The following TERT variants were observed in gnomAD, a reference collection of about 807,000 sequenced individuals.
TERT encodes the protein telomerase catalytic subunit.
A neutral mutation model predicts 104.0 loss-of-function variants in TERT; 42 were observed. That is an observed-to-expected ratio of 0.40 (90% CI 0.32 to 0.52). TERT has a LOEUF of 0.52. Among genes scored for constraint, TERT ranks in the 20% least tolerant of loss-of-function variants. TERT has a pLI of 0.43. For synonymous variants in TERT, 781 were observed against 725.6 expected, an observed-to-expected ratio of 1.08 and a Z score of -1.23; for missense variants, 1,101 against 1,610.3, an observed-to-expected ratio of 0.68 and a Z score of 5.41.
intron 2 of TERT, among the ~76,000 whole-genome samples, chr5:1,285,691 T>C (rs1449346407): frequency 1.3e-5 from 2 of 148,190 alleles, no homozygotes; most frequent in African/African-American, 5.0e-5. Flanking sequence ...TGCCTCAGCC[T>C]CCCGAGTAGC....
Position 1,266,398 on chromosome 5 carries a change from C to T in TERT, c.2654+66G>A, listed in dbSNP as rs1421651719. ...ACGCTGCGGTGCCAGGGGCAGGACA[C>T]GGGGGGCTCAACTGCAAAGCCCACA... On this transcript the variant is annotated intron_variant, in intron 10 of 15. Transcript: ENST00000310581. 2.3e-5 allele frequency: 32 copies of T among 1,379,302 alleles called. 1 individual carries two copies. The Middle Eastern group carries it at 5.5e-4, about 24-fold the overall frequency. 85.4% of individuals were successfully genotyped at this position (1,379,302 alleles called of 1,614,324 possible). A position where few individuals can be genotyped will look rare whatever the true frequency, so the allele number is the denominator to read the frequency against.
At chr5:1,282,695 C>T (rs1479221595) in intron 2 of TERT, 71 bp from the exon 3 acceptor site, 1 of 1,499,014 alleles carries the variant, frequency 6.7e-7, no homozygotes, top group Non-Finnish European at 9.2e-7. Flanking sequence ...CCTGCACCAT[C>T]CGGACACCGC....
chr5:1,277,522 G>T (rs11750711), intron 6 of TERT, among the ~76,000 whole-genome samples: 121 of 151,886 alleles, frequency 8.0e-4, no homozygotes, highest in Admixed American at 2.2e-3. Context: ...CACTCACATG[G>T]AGACCGGGAG....
rs945240340 is a variant in TERT at position 1,255,722 on chromosome 5, CCT to C, written c.3033-313_3033-312del. Among the ~76,000 whole-genome samples, 64 of 152,302 alleles carry C rather than the reference CCT, an allele frequency of 4.2e-4. No individual in the cohort carries two copies. Among genetic ancestry groups the C allele is most frequent in the East Asian group, 1.4e-3 (7 of 5,172 alleles). ...CCCCCATGCTGGCTTCTGATTAGCCCCTGTTCCGGGAAGGCCTCTAAGGTTTC... is the reference window on the plus strand; with the variant it reads ...CCCCCATGCTGGCTTCTGATTAGCCCGTTCCGGGAAGGCCTCTAAGGTTTC... On this transcript the variant is annotated intron_variant, in intron 13 of 15. Coordinates refer to ENST00000310581, the MANE Select transcript of TERT (RefSeq NM_198253.3). This position sits in a 1 kb window ranked among gnomAD's most constrained non-coding sequence, Gnocchi z 6.9.
rs1356844084 is a variant in TERT at position 1,255,843 on chromosome 5, T to G, written c.3033-432A>C. On this transcript the variant is annotated intron_variant, in intron 13 of 15. Coordinates refer to ENST00000310581, the MANE Select transcript of TERT (RefSeq NM_198253.3). The surrounding 1 kb of genome is among the most constrained non-coding windows in gnomAD (Gnocchi z 6.9). ...TTGATGTCATCGTATATCAACGTCC[T>G]GCGCATCCCTTCTGAGCCACCCGCC... 6.6e-6 allele frequency among the ~76,000 whole-genome samples: 1 copy of G among 152,186 alleles called. No homozygotes were observed. Among genetic ancestry groups the G allele is most frequent in the Non-Finnish European group, 1.5e-5 (1 of 68,032 alleles).
At chr5:1,290,736 C>T in intron 2 of TERT, among the ~76,000 whole-genome samples, 1 of 82,440 alleles carries the variant, frequency 1.2e-5, no homozygotes, top group South Asian at 3.3e-4. Flanking sequence ...CCTCACTCAC[C>T]CTGCACGTGA....
intron 12 of TERT, among the ~76,000 whole-genome samples, chr5:1,259,634 C>CAA (rs1351598933): frequency 3.9e-5 from 5 of 128,856 alleles, no homozygotes; most frequent in Admixed American, 8.0e-5. Flanking sequence ...GACACGGATG[C>CAA]CCACAGGAGA....
chr5:1,291,016 C>G (rs191230669), intron 2 of TERT, among the ~76,000 whole-genome samples: 2,378 of 6,926 alleles, frequency 0.34, 17 homozygotes, highest in African/African-American at 0.38. Flanking sequence ...ACCTGGGGAC[C>G]GCGCCTCACT....
Position 1,279,081 on chromosome 5 carries a change from G to A in TERT, c.2130+210C>T, listed in dbSNP as rs182478372. On this transcript the variant is annotated intron_variant, in intron 5 of 15. Transcript: ENST00000310581. ...GGACCCTCCTTGGGAATAGGAGCCC[G>A]GGCAGTCAGGGTGCACAGTCGGCCC... Among the ~76,000 whole-genome samples, 187 of 152,320 alleles carry A rather than the reference G, an allele frequency of 1.2e-3. 1 individual carries two copies. Among genetic ancestry groups the A allele is most frequent in the Non-Finnish European group, 2.0e-3 (138 of 68,012 alleles).
At position 1,292,633 on chromosome 5, in the gene TERT, C is replaced by T. The variant is rs1207926137; in HGVS notation, c.1573+680G>A. 6.6e-6 allele frequency among the ~76,000 whole-genome samples: 1 copy of T among 152,158 alleles called. No homozygotes were observed. Among genetic ancestry groups the T allele is most frequent in the African/African-American group, 2.4e-5 (1 of 41,426 alleles). On this transcript the variant is annotated intron_variant, in intron 2 of 15. Coordinates refer to ENST00000310581, the MANE Select transcript of TERT (RefSeq NM_198253.3). The surrounding 1 kb of genome is among the most constrained non-coding windows in gnomAD (Gnocchi z 5.5). ...GTTCAAGTGATTCTCCTGCCTCAGC[C>T]TCCCAAGTAGCTGGGATTACAGGCA...
Position 1,293,374 on chromosome 5 carries a change from C to A in TERT, c.1512G>T (p.Ser504=), listed in dbSNP as rs779846566. Residue 504 remains serine, a synonymous_variant, in exon 2 of 16, where the codon TCG becomes TCT. Coordinates refer to ENST00000310581, the MANE Select transcript of TERT (RefSeq NM_198253.3). ...FISLGKHAKL[S]LQELTWKMSV... ...TCATCTTCCACGTCAGCTCCTGCAG[C>A]GAGAGCTTGGCATGCTTCCCCAGGG... The A allele has an allele frequency of 6.2e-7, 1 of 1,613,386 alleles. No homozygotes were observed.
Position 1,286,202 on chromosome 5 carries a change from C to A in TERT, c.1574-3578G>T, listed in dbSNP as rs1750473641. On this transcript the variant is annotated intron_variant, in intron 2 of 15. Coordinates refer to ENST00000310581, the MANE Select transcript of TERT (RefSeq NM_198253.3). This position sits in a 1 kb window ranked among gnomAD's most constrained non-coding sequence, Gnocchi z 5.3. ...CCGCCCTCCTCGTGAGTCTCCACAT[C>A]TTCATCTGTGCATCATAAGCAGAGG... is the stretch of plus-strand genomic sequence containing the variant. 6.6e-6 allele frequency among the ~76,000 whole-genome samples: 1 copy of A among 152,188 alleles called. No individual in the cohort carries two copies. Among genetic ancestry groups the A allele is most frequent in the Non-Finnish European group, 1.5e-5 (1 of 68,038 alleles).
Position 1,256,477 on chromosome 5 carries a change from T to TGG in TERT, c.3033-1067_3033-1066insCC, listed in dbSNP as rs1212269972. Among the ~76,000 whole-genome samples the TGG allele has an allele frequency of 1.2e-4, 17 of 137,188 alleles. No homozygotes were observed. Among genetic ancestry groups the TGG allele is most frequent in the African/African-American group, 4.9e-4 (17 of 34,598 alleles). The allele number at this position is 137,188 out of a possible 152,430, so 90.0% of individuals were successfully genotyped here. On this transcript the variant is annotated intron_variant, in intron 13 of 15. Transcript: ENST00000310581. This position sits in a 1 kb window ranked among gnomAD's most constrained non-coding sequence, Gnocchi z 7.0. Reference sequence around the variant, plus strand: ...CCTCTGCCTGAGCCCCCCGTGTACCTCATCTCACCCAGTGCCTGAGCCCCC... The same window carrying TGG: ...CCTCTGCCTGAGCCCCCCGTGTACCTGGCATCTCACCCAGTGCCTGAGCCCCC...
rs35033501 is a variant in TERT, at chr5:1,253,803, C to T, written c.3324G>A (p.Pro1108=). ...CCTCCAGGGCAGTCAGCGTCGTCCC[C>T]GGGAGCTTCCGACTCAGCTGCGTCT... The part of the protein sequence containing the change: ...TAQTQLSRKL[P]GTTLTALEAA... The change falls in exon 16 of 16, where the codon CCG becomes CCA. Residue 1108 remains proline (P), a synonymous_variant. Coordinates refer to ENST00000310581, the MANE Select transcript of TERT (RefSeq NM_198253.3). 35,812 of 1,611,298 alleles carry T rather than the reference C, an allele frequency of 0.022. 513 individuals are homozygous for T. The highest frequency in any genetic ancestry group is 0.026 in the Non-Finnish European group (30,332 of 1,179,498).
rs1750542206 is a variant in TERT, at chr5:1,287,124, G to A, written c.1574-4500C>T. Among the ~76,000 whole-genome samples the A allele has an allele frequency of 6.6e-6, 1 of 152,150 alleles. No individual in the cohort carries two copies. Among genetic ancestry groups the A allele is most frequent in the African/African-American group, 2.4e-5 (1 of 41,414 alleles). The stretch of plus-strand genomic sequence containing the variant: ...AAATGAAAATAAATCAGGTTATCCA[G>A]TTAAACAACGACTGTCAGACTGGAT... On this transcript the variant is annotated intron_variant, in intron 2 of 15. Transcript: ENST00000310581. The surrounding 1 kb of genome is among the most constrained non-coding windows in gnomAD (Gnocchi z 4.3).
At chr5:1,276,621 A>G (rs145685051) in intron 6 of TERT, among the ~76,000 whole-genome samples, 2,191 of 150,344 alleles carry the variant, frequency 0.015, 22 homozygotes, top group Non-Finnish European at 0.022. Flanking sequence ...ATGAAAACCA[A>G]TTCACAGATC....
intron 6 of TERT, among the ~76,000 whole-genome samples, chr5:1,273,023 G>A (rs374210169): frequency 5.4e-5 from 4 of 73,804 alleles, no homozygotes; most frequent in Admixed American, 2.7e-4. Flanking sequence ...CAGACCCCAC[G>A]ACCGCCATCC....
chr5:1,275,750 A>G lies in TERT; in HGVS notation c.2286+2891T>C, dbSNP rs111632450. 3.8e-5 allele frequency among the ~76,000 whole-genome samples: 5 copies of G among 131,374 alleles called. 1 individual carries two copies. The highest frequency in any genetic ancestry group is 1.2e-4 in the African/African-American group (4 of 34,396). 86.2% of individuals were successfully genotyped at this position (131,374 alleles called of 152,430 possible). On this transcript the variant is annotated intron_variant, in intron 6 of 15. Coordinates refer to ENST00000310581, the MANE Select transcript of TERT (RefSeq NM_198253.3). ...CCACAGATCCCCACCTATCCCACAC[A>G]TGAAAACCAATCCCACAGATCTCCA... is the stretch of plus-strand genomic sequence containing the variant.
At position 1,293,499 on chromosome 5, in the gene TERT, CG is replaced by C; in HGVS notation, c.1386del (p.Tyr462Ter). The part of the protein sequence containing the change: ...LRQHSSPWQV[Y>X]GFVRACLRRL... The stretch of plus-strand genomic sequence containing the variant: ...CGGCGCAGGCAGGCCCGCACGAAGC[CG>C]TACACCTGCCAGGGGCTGCTGTGCT... On this transcript the variant is annotated frameshift_variant, in exon 2 of 16. Transcript: ENST00000310581. LOFTEE classifies it high-confidence loss of function. The C allele has an allele frequency of 4.4e-6, 7 of 1,582,670 alleles. No homozygotes were observed. The highest frequency in any genetic ancestry group is 6.0e-6 in the Non-Finnish European group (7 of 1,165,206).
Sources: allele counts gnomAD v4.1 joint callset (sites outside exome capture counted in the v4.1 genomes callset), GRCh38; gene constraint gnomAD v4.1.1; non-coding constraint Gnocchi (gnomAD v3.1); transcripts MANE v1.5; gene names NCBI Gene and HGNC (gene_info 2026-07-23, HGNC 2026-07-21).